Variants in MOGAT1 observed in about 807,000 individuals in gnomAD.
The protein encoded by MOGAT1 is 2-acylglycerol O-acyltransferase 1.
In MOGAT1, 32 loss-of-function variants were observed where a neutral mutation model predicts 31.4. The ratio of observed to expected loss-of-function variants is 1.02; its 90% CI spans 0.77 to 1.37. The LOEUF is 1.37. Ranked by LOEUF, MOGAT1 falls within the 40% of genes most tolerant of loss-of-function variation. The pLI is 0.00. For missense variants in MOGAT1, 426 were observed against 402.0 expected (o/e 1.06, Z -0.51); for synonymous variants, 145 against 144.5 (o/e 1.00, Z -0.03).
chr2:222,682,941 C>T (rs532620077), intron 1 of MOGAT1, among the ~76,000 whole-genome samples: 4 of 152,280 alleles, frequency 2.6e-5, no homozygotes, highest in Non-Finnish European at 4.4e-5. Flanking sequence ...CAGTGGCTCA[C>T]ACCTGTCATC....
At chr2:222,693,539 T>G (rs1692796106) in intron 3 of MOGAT1, among the ~76,000 whole-genome samples, 1 of 151,880 alleles carries the variant, frequency 6.6e-6, no homozygotes, top group Non-Finnish European at 1.5e-5. Flanking sequence ...AAAAAGAGGT[T>G]TGAAAGACTT....
chr2:222,707,423 G>C (rs1230628817), intron 5 of MOGAT1, among the ~76,000 whole-genome samples: 1 of 146,076 alleles, frequency 6.8e-6, no homozygotes, highest in Non-Finnish European at 1.5e-5. Flanking sequence ...GGAAGGGAGG[G>C]AAGGGAGGCA....
intron 1 of MOGAT1, among the ~76,000 whole-genome samples, chr2:222,687,132 AAAAAAAAGAAAGAAC>A (rs1692684358): frequency 8.1e-6 from 1 of 123,742 alleles, no homozygotes; most frequent in African/African-American, 3.5e-5. Flanking sequence ...AAAAAAAAAA[AAAAAAAAGAAAGAAC>A]AAGAAAGAAA....
chr2:222,675,434 C>T (rs563613686), intron 1 of MOGAT1, among the ~76,000 whole-genome samples: 27 of 151,538 alleles, frequency 1.8e-4, no homozygotes, highest in Admixed American at 1.4e-3. Flanking sequence ...GATGCTTGCC[C>T]GAATTACCTG....
At chr2:222,687,700 G>A (rs1483232578) in intron 1 of MOGAT1, among the ~76,000 whole-genome samples, 1 of 152,192 alleles carries the variant, frequency 6.6e-6, no homozygotes, top group African/African-American at 2.4e-5. Flanking sequence ...AAGATCTGAA[G>A]AGTCCCACCT....
intron 1 of MOGAT1, among the ~76,000 whole-genome samples, chr2:222,672,569 G>GT (rs1692434862): frequency 6.6e-6 from 1 of 151,984 alleles, no homozygotes; most frequent in Admixed American, 6.6e-5. Flanking sequence ...TTTGTTTTTT[G>GT]TTTTTTCCTT....
At chr2:222,678,019 G>A (rs377740657) in intron 1 of MOGAT1, 3 of 251,046 alleles carry the variant, frequency 1.2e-5, no homozygotes, top group South Asian at 6.2e-5. Context: ...AGACCAACAG[G>A]AAGCCCTCAC....
intron 5 of MOGAT1, among the ~76,000 whole-genome samples, chr2:222,697,500 T>C (rs1195216501): frequency 2.0e-5 from 3 of 152,020 alleles, no homozygotes; most frequent in Admixed American, 6.6e-5. Context: ...GGAGAGTAAT[T>C]CTGATATGGA....
chr2:222,675,701 G>A lies in MOGAT1; in HGVS notation c.94+3822G>A, dbSNP rs1022848110. Among the ~76,000 whole-genome samples, 5 of 151,786 alleles carry A rather than the reference G, an allele frequency of 3.3e-5. No individual in the cohort carries two copies. In the East Asian group the frequency reaches 7.7e-4, roughly 23 times the overall value. On this transcript the variant is annotated intron_variant, in intron 1 of 5. Transcript: ENST00000446656. ...TCACCGTGTTAGCCAGGATGGTCTCGGTCTCCTGACCTTGTGATCTGCCTG... is the reference window on the plus strand; with the variant it reads ...TCACCGTGTTAGCCAGGATGGTCTCAGTCTCCTGACCTTGTGATCTGCCTG...
chr2:222,680,691 TG>T (rs559565937), intron 1 of MOGAT1, among the ~76,000 whole-genome samples: 11 of 152,226 alleles, frequency 7.2e-5, no homozygotes, highest in Non-Finnish European at 1.5e-4. Flanking sequence ...AATGGATTTT[TG>T]CTTGCCTCTG....
intron 5 of MOGAT1, among the ~76,000 whole-genome samples, chr2:222,706,537 A>G (rs1364394311): frequency 1.4e-5 from 2 of 143,356 alleles, no homozygotes; most frequent in Non-Finnish European, 3.1e-5. Flanking sequence ...ACCATCTGAA[A>G]TGTAGTAAAA....
Position 222,695,156 on chromosome 2 carries a change from G to T in MOGAT1, c.721G>T (p.Gly241Ter), listed in dbSNP as rs1477823068. The T allele has an allele frequency of 1.9e-6, 3 of 1,613,436 alleles. No homozygotes were observed. The highest frequency in any genetic ancestry group is 1.1e-5 in the South Asian group (1 of 90,992). Residue 241 changes from glycine to a stop codon, truncating the protein, a stop_gained, in exon 5 of 6, where the codon GGA becomes TGA. Coordinates refer to ENST00000446656, the MANE Select transcript of MOGAT1 (RefSeq NM_058165.3). LOFTEE classifies it high-confidence loss of function. ...ELFKQTDNPE[G>*]SWIRTVQNKL... ...GTTTAAACAAACTGACAACCCTGAAGGATCATGGATTAGAACTGTTCAGAA... is the reference window on the plus strand; with the variant it reads ...GTTTAAACAAACTGACAACCCTGAATGATCATGGATTAGAACTGTTCAGAA...
intron 1 of MOGAT1, among the ~76,000 whole-genome samples, chr2:222,676,118 C>T (rs965250029): frequency 6.6e-6 from 1 of 151,586 alleles, no homozygotes; most frequent in African/African-American, 2.4e-5. Context: ...TCTCTGGCCC[C>T]CAACCCCCCT....
chr2:222,707,053 G>A (rs533892128), intron 5 of MOGAT1, among the ~76,000 whole-genome samples: 45 of 152,230 alleles, frequency 3.0e-4, no homozygotes, highest in Admixed American at 1.2e-3. Context: ...TTGGCTGGGC[G>A]TGGTGGCACA....
intron 1 of MOGAT1, among the ~76,000 whole-genome samples, chr2:222,675,708 T>A (rs1412384518): frequency 2.6e-5 from 4 of 152,134 alleles, no homozygotes; most frequent in Non-Finnish European, 4.4e-5. Flanking sequence ...CTCGGTCTCC[T>A]GACCTTGTGA....
intron 1 of MOGAT1, among the ~76,000 whole-genome samples, chr2:222,674,156 C>G (rs535992001): frequency 3.3e-5 from 5 of 152,168 alleles, no homozygotes; most frequent in African/African-American, 1.2e-4. Context: ...GGATTAGTGA[C>G]GAGGACATGG....
chr2:222,682,499 T>G (rs1692596405), intron 1 of MOGAT1, among the ~76,000 whole-genome samples: 1 of 152,226 alleles, frequency 6.6e-6, no homozygotes, highest in Non-Finnish European at 1.5e-5. Flanking sequence ...GGTGATGGAA[T>G]GTATTTCCCA....
chr2:222,703,442 G>C (rs1180406302), intron 5 of MOGAT1, among the ~76,000 whole-genome samples: 2 of 151,862 alleles, frequency 1.3e-5, no homozygotes, highest in Non-Finnish European at 2.9e-5. Context: ...AGTGCCTTTA[G>C]CTCAAAATAA....
intron 3 of MOGAT1, among the ~76,000 whole-genome samples, chr2:222,692,206 G>A (rs998560688): frequency 6.6e-6 from 1 of 152,148 alleles, no homozygotes; most frequent in Non-Finnish European, 1.5e-5. Context: ...TGAAGGGAGA[G>A]GTGATAAGGG....
Sources: gnomAD v4.1 joint callset for allele counts (sites outside exome capture counted in the v4.1 genomes callset) on GRCh38, gnomAD v4.1.1 for gene constraint, MANE v1.5 for transcripts, NCBI Gene and HGNC (gene_info 2026-07-23, HGNC 2026-07-21) for gene names.